Variants in L3MBTL3 observed in about 807,000 individuals in gnomAD.
The protein encoded by L3MBTL3 is L3MBTL histone methyl-lysine binding protein 3, also known as lethal(3)malignant brain tumor-like protein 3.
L3MBTL3 carries 27 observed loss-of-function variants against 102.3 expected under a neutral mutation model. The observed-to-expected ratio is 0.26, with a 90% confidence interval of 0.19 to 0.36. The LOEUF is 0.36. L3MBTL3 is among the 10% of genes least tolerant of loss of function. The pLI is 1.00. For synonymous variants in L3MBTL3, 340 were observed against 320.9 expected, an observed-to-expected ratio of 1.06 and a Z score of -0.64; for missense variants, 798 against 955.3, an observed-to-expected ratio of 0.84 and a Z score of 2.17.
intron 8 of L3MBTL3, 146 bp from the exon 9 acceptor site, chr6:130,057,260 G>C: frequency 1.4e-6 from 1 of 697,830 alleles, no homozygotes; most frequent in Non-Finnish European, 2.5e-6. Flanking sequence ...TTGGGAAGAC[G>C]AGCCAGGAAG....
In L3MBTL3 at chr6:130,055,161, C is replaced by G; in HGVS notation, c.583-10C>G. On this transcript the variant is annotated splice_polypyrimidine_tract_variant and intron_variant, in intron 7 of 22. Transcript: ENST00000361794. ...AACTTTAAAGTCATAATTTTCCTTT[C>G]TTTTTGTAGGAGAACAAACAAGATG... The G allele has an allele frequency of 6.2e-7, 1 of 1,610,800 alleles. No individual in the cohort carries two copies. Among genetic ancestry groups the G allele is most frequent in the South Asian group, 1.1e-5 (1 of 90,994 alleles).
intron 10 of L3MBTL3, among the ~76,000 whole-genome samples, chr6:130,063,470 G>A (rs976547623): frequency 5.9e-5 from 9 of 152,216 alleles, no homozygotes; most frequent in African/African-American, 2.2e-4. Flanking sequence ...TTCATTATTC[G>A]CAGTAGTTAC....
At chr6:130,113,297 G>A (rs1480091975) in intron 19 of L3MBTL3, among the ~76,000 whole-genome samples, 1 of 152,144 alleles carries the variant, frequency 6.6e-6, no homozygotes, top group African/African-American at 2.4e-5. Flanking sequence ...GGTGACAGAT[G>A]CAAGTAGTCT....
At chr6:130,113,604 C>T (rs1036620864) in intron 19 of L3MBTL3, among the ~76,000 whole-genome samples, 8 of 152,318 alleles carry the variant, frequency 5.3e-5, no homozygotes, top group South Asian at 4.1e-4. Flanking sequence ...AAGGCAAATG[C>T]CCACTGCTTA....
chr6:130,027,857 G>A (rs930650709), intron 2 of L3MBTL3, among the ~76,000 whole-genome samples: 2 of 151,998 alleles, frequency 1.3e-5, no homozygotes, highest in African/African-American at 4.8e-5. Flanking sequence ...TTCTTTTTAT[G>A]GCCCTTGAAT....
intron 1 of L3MBTL3, among the ~76,000 whole-genome samples, chr6:130,019,208 G>C (rs1309419769): frequency 6.7e-6 from 1 of 149,952 alleles, no homozygotes; most frequent in African/African-American, 2.4e-5. Flanking sequence ...CGCGGGGTGG[G>C]GGAGCGCGGC....
At chr6:130,066,173 T>A (rs943648205) in intron 10 of L3MBTL3, among the ~76,000 whole-genome samples, 180 bp from the exon 11 acceptor site, 2 of 152,128 alleles carry the variant, frequency 1.3e-5, no homozygotes, top group Non-Finnish European at 2.9e-5. Context: ...CCCACTTTAA[T>A]AGCTTTTGTC....
chr6:130,032,290 T>A (rs899212722), intron 2 of L3MBTL3, among the ~76,000 whole-genome samples: 8 of 152,162 alleles, frequency 5.3e-5, no homozygotes, highest in Non-Finnish European at 1.2e-4. Context: ...ATGAATTTTT[T>A]AAAAAACCTA....
At chr6:130,024,320 T>G (rs984503614) in intron 2 of L3MBTL3, among the ~76,000 whole-genome samples, 5 of 152,144 alleles carry the variant, frequency 3.3e-5, no homozygotes, top group African/African-American at 1.2e-4. Flanking sequence ...TTAAAAAAAT[T>G]GTAAGTACTA....
intron 16 of L3MBTL3, among the ~76,000 whole-genome samples, chr6:130,091,144 C>T (rs1233837224): frequency 4.6e-5 from 7 of 152,106 alleles, no homozygotes; most frequent in South Asian, 2.1e-4. Context: ...TCAAATTGAT[C>T]AGTCTTTTAC....
intron 19 of L3MBTL3, among the ~76,000 whole-genome samples, chr6:130,117,079 G>A (rs549004811): frequency 5.1e-4 from 70 of 136,686 alleles, no homozygotes; most frequent in African/African-American, 1.8e-3. Context: ...CCACTAACTC[G>A]TCATCTAGCA....
chr6:130,047,549 A>G (rs374113943), intron 3 of L3MBTL3, among the ~76,000 whole-genome samples: 32 of 152,318 alleles, frequency 2.1e-4, no homozygotes, highest in African/African-American at 7.5e-4. Flanking sequence ...TGTTTAATGT[A>G]AATGTTTGAT....
At chr6:130,101,357 A>G (rs564365653) in intron 18 of L3MBTL3, among the ~76,000 whole-genome samples, 1 of 152,354 alleles carries the variant, frequency 6.6e-6, no homozygotes, top group East Asian at 1.9e-4. Flanking sequence ...ACACTGAGAC[A>G]TCTGAGTAGA....
rs906721951 is a variant in L3MBTL3 at position 130,057,436 on chromosome 6, G to C, written c.698G>C (p.Cys233Ser). ...GLPPKGKKAW[C>S]WASYLEEEKA... ...CCTCCTAAAGGAAAGAAAGCGTGGTGCTGGGCATCCTACCTGGAAGAGGAG... is the reference window on the plus strand; with the variant it reads ...CCTCCTAAAGGAAAGAAAGCGTGGTCCTGGGCATCCTACCTGGAAGAGGAG... Residue 233 changes from cysteine (C) to serine (S), a missense_variant, in exon 9 of 23, where the codon TGC becomes TCC. This residue lies in a region of L3MBTL3 where 434 missense variants were observed against 506.6 expected (regional missense o/e 0.86). Transcript: ENST00000361794. The C allele has an allele frequency of 1.2e-6, 2 of 1,611,050 alleles. No individual in the cohort carries two copies. The highest frequency in any genetic ancestry group is 1.7e-6 in the Non-Finnish European group (2 of 1,179,172).
chr6:130,094,145 G>T, intron 17 of L3MBTL3, 120 bp from the exon 18 acceptor site: 1 of 583,508 alleles, frequency 1.7e-6, no homozygotes, highest in Non-Finnish European at 2.9e-6. Context: ...TATGTATGTT[G>T]GTTAAAAAAT....
intron 22 of L3MBTL3, among the ~76,000 whole-genome samples, chr6:130,134,668 C>T (rs1345384179): frequency 6.6e-6 from 1 of 152,214 alleles, no homozygotes; most frequent in African/African-American, 2.4e-5. Context: ...TGTGTCTACT[C>T]CTGCCAGAAG....
chr6:130,092,882 A>G (rs552116793), intron 17 of L3MBTL3, 23 bp downstream of exon 17: 1 of 1,380,184 alleles, frequency 7.2e-7, no homozygotes, highest in African/African-American at 1.4e-5. Context: ...AATAGCTTGT[A>G]TAAATGTTTC....
chr6:130,104,634 T>C (rs1582576140), intron 19 of L3MBTL3, 59 bp downstream of exon 19: 2 of 1,252,238 alleles, frequency 1.6e-6, no homozygotes, highest in Non-Finnish European at 2.1e-6. Flanking sequence ...AGAGATTTTT[T>C]ATCTTTTAGA....
At chr6:130,089,052 A>G (rs1347816704) in intron 16 of L3MBTL3, among the ~76,000 whole-genome samples, 6 of 151,982 alleles carry the variant, frequency 3.9e-5, no homozygotes, top group Non-Finnish European at 8.8e-5. Flanking sequence ...TATATTTTTC[A>G]GTACTCTATC....
Sources: allele counts gnomAD v4.1 joint callset (sites outside exome capture counted in the v4.1 genomes callset), GRCh38; gene constraint gnomAD v4.1.1; regional missense constraint gnomAD v4.1.1; transcripts MANE v1.5; gene names NCBI Gene and HGNC (gene_info 2026-07-23, HGNC 2026-07-21).